The following PPP1R42 variants were observed in gnomAD, a reference collection of about 807,000 sequenced individuals.
PPP1R42 encodes protein phosphatase 1 regulatory subunit 42.
Under a neutral mutation model 31.0 loss-of-function variants are expected in PPP1R42, and 34 were observed. That is an observed-to-expected ratio of 1.10 (90% CI 0.83 to 1.46). The LOEUF (loss-of-function observed/expected upper bound fraction) is 1.46, where lower values mean the gene tolerates loss of function less well. Ranked by LOEUF, PPP1R42 falls within the 40% of genes most tolerant of loss-of-function variation. PPP1R42 has a pLI of 0.00. For missense variants in PPP1R42, 268 were observed against 303.0 expected, an observed-to-expected ratio of 0.88 and a Z score of 0.86; for synonymous variants, 103 against 109.8, an observed-to-expected ratio of 0.94 and a Z score of 0.39.
rs139624695 is a variant in PPP1R42 at position 67,020,689 on chromosome 8, A to G, written c.-84-2858T>C. Among the ~76,000 whole-genome samples the G allele has an allele frequency of 1.5e-3, 225 of 152,388 alleles. 1 individual carries two copies. The highest frequency in any genetic ancestry group is 5.3e-3 in the African/African-American group (219 of 41,598). On this transcript the variant is annotated intron_variant, in intron 1 of 7. Transcript: ENST00000685739. Reference sequence around the variant, plus strand: ...GTGTTCTGCACAGTACCTGGTACATAGGTCAATAAACATTTGCTATCATTA... The same window carrying G: ...GTGTTCTGCACAGTACCTGGTACATGGGTCAATAAACATTTGCTATCATTA...
chr8:66,967,876 G>A (rs1049236078), intron 7 of PPP1R42, among the ~76,000 whole-genome samples: 7 of 151,056 alleles, frequency 4.6e-5, no homozygotes, highest in African/African-American at 1.7e-4. Context: ...GTAACAATTA[G>A]TTTTTCATTG....
chr8:66,985,317 T>G (rs77985389), intron 6 of PPP1R42: 17,803 of 811,610 alleles, frequency 0.022, 576 homozygotes, highest in African/African-American at 0.079. Flanking sequence ...CTCCATGTCT[T>G]CTGATGGCTT....
intron 7 of PPP1R42, among the ~76,000 whole-genome samples, chr8:66,965,947 G>C (rs980008589): frequency 1.3e-5 from 2 of 151,942 alleles, no homozygotes; most frequent in African/African-American, 4.8e-5. Flanking sequence ...CATAATAAAA[G>C]AATATGTCAA....
At chr8:66,985,267 G>C in intron 6 of PPP1R42, 1 of 1,007,762 alleles carries the variant, frequency 9.9e-7, no homozygotes, top group Non-Finnish European at 1.6e-6. Context: ...CTGGCGCTGG[G>C]AAGCGACAGT....
intron 5 of PPP1R42, among the ~76,000 whole-genome samples, chr8:67,000,269 T>C (rs765566591): frequency 3.3e-5 from 5 of 152,152 alleles, no homozygotes; most frequent in Non-Finnish European, 5.9e-5. Flanking sequence ...TTTTCCCTCA[T>C]TCTTGTTGTC....
At chr8:67,025,334 A>G (rs895500236) in intron 1 of PPP1R42, among the ~76,000 whole-genome samples, 3 of 151,230 alleles carry the variant, frequency 2.0e-5, no homozygotes, top group African/African-American at 7.3e-5. Context: ...CTGGTCTCAA[A>G]CTCCTGGGCT....
chr8:66,989,418 G>A (rs1284594559), intron 5 of PPP1R42, among the ~76,000 whole-genome samples: 1 of 151,868 alleles, frequency 6.6e-6, no homozygotes, highest in African/African-American at 2.4e-5. Flanking sequence ...CCCCTTCCCC[G>A]CTTTCTAAAA....
rs553046372 is a variant in PPP1R42 at position 66,978,632 on chromosome 8, G to A, written c.802+3417C>T. Among the ~76,000 whole-genome samples the A allele has an allele frequency of 3.9e-5, 6 of 152,198 alleles. No individual in the cohort carries two copies. In the South Asian group the frequency reaches 8.3e-4, roughly 21 times the overall value. ...AGGGTTTCACCATGTTGGCCAGGCC[G>A]TTCCTGAACTCCTGACTTCAAGTGA... On this transcript the variant is annotated intron_variant, in intron 7 of 7. Transcript: ENST00000685739.
chr8:67,007,288 C>T (rs747626222), intron 5 of PPP1R42, among the ~76,000 whole-genome samples: 1 of 152,196 alleles, frequency 6.6e-6, no homozygotes, highest in Admixed American at 6.5e-5. Flanking sequence ...GTAGTTCCCA[C>T]CACCCCCTTG....
At chr8:66,996,951 A>G (rs1208003444) in intron 5 of PPP1R42, among the ~76,000 whole-genome samples, 1 of 152,222 alleles carries the variant, frequency 6.6e-6, no homozygotes, top group African/African-American at 2.4e-5. Flanking sequence ...CAGGAGTTCA[A>G]GAAAAGCCTG....
intron 6 of PPP1R42, chr8:66,985,211 C>G: frequency 8.9e-7 from 1 of 1,125,860 alleles, no homozygotes; most frequent in African/African-American, 1.5e-5. Flanking sequence ...AATCGCTGAG[C>G]AGTCTTCTCA....
chr8:66,999,334 C>T (rs1214199296), intron 5 of PPP1R42, among the ~76,000 whole-genome samples: 1 of 152,190 alleles, frequency 6.6e-6, no homozygotes, highest in Non-Finnish European at 1.5e-5. Flanking sequence ...GATTCTCCTG[C>T]CTCAGCCTCC....
intron 6 of PPP1R42, among the ~76,000 whole-genome samples, chr8:66,986,687 G>A (rs1443122848): frequency 6.6e-6 from 1 of 152,194 alleles, no homozygotes; most frequent in Non-Finnish European, 1.5e-5. Flanking sequence ...TTCCTGAAGC[G>A]GAAATTAGGC....
intron 1 of PPP1R42, among the ~76,000 whole-genome samples, chr8:67,025,972 T>C (rs1328790047): frequency 7.1e-6 from 1 of 141,508 alleles, no homozygotes; most frequent in Non-Finnish European, 1.5e-5. Context: ...ACCACTACGC[T>C]CCAGCCTGGG....
At chr8:66,981,927 C>A in intron 7 of PPP1R42, 122 bp downstream of exon 7, 1 of 1,034,516 alleles carries the variant, frequency 9.7e-7, no homozygotes. Context: ...TTTAAAAAAC[C>A]CCATAAAACA....
intron 7 of PPP1R42, among the ~76,000 whole-genome samples, chr8:66,968,176 G>GA (rs1814439145): frequency 6.6e-6 from 1 of 152,156 alleles, no homozygotes; most frequent in Non-Finnish European, 1.5e-5. Context: ...TACATTGATA[G>GA]TATCAAGTTC....
At chr8:66,968,705 T>C (rs1814454178) in intron 7 of PPP1R42, among the ~76,000 whole-genome samples, 1 of 152,150 alleles carries the variant, frequency 6.6e-6, no homozygotes, top group South Asian at 2.1e-4. Context: ...AAAATCTGTA[T>C]CAAGAGTTTG....
chr8:67,006,445 C>T (rs778164834), intron 5 of PPP1R42, among the ~76,000 whole-genome samples: 26 of 152,286 alleles, frequency 1.7e-4, no homozygotes, highest in Middle Eastern at 3.4e-3. Flanking sequence ...TGGGCTCAAG[C>T]GATCCTCCCA....
intron 7 of PPP1R42, among the ~76,000 whole-genome samples, chr8:66,970,409 T>C (rs1422470887): frequency 6.6e-6 from 1 of 152,154 alleles, no homozygotes; most frequent in Non-Finnish European, 1.5e-5. Flanking sequence ...ATGCTGAGAT[T>C]ATAGGCGTGA....
Sources: allele counts gnomAD v4.1 joint callset (sites outside exome capture counted in the v4.1 genomes callset), GRCh38; gene constraint gnomAD v4.1.1; transcripts MANE v1.5; gene names NCBI Gene and HGNC (gene_info 2026-07-23, HGNC 2026-07-21).